Variants in SULT1A2 observed in about 807,000 individuals in gnomAD.
SULT1A2 encodes sulfotransferase 1A2.
SULT1A2 carries 33 observed loss-of-function variants against 36.0 expected under a neutral mutation model. The observed-to-expected ratio is 0.92, with a 90% CI of 0.69 to 1.22. SULT1A2 has a LOEUF of 1.22. Ranked by LOEUF, SULT1A2 falls within the 50% of genes most tolerant of loss-of-function variation. The probability of loss-of-function intolerance (pLI) is 0.00; values close to 1 mark genes in which losing one functional copy is unlikely to be tolerated. For synonymous variants in SULT1A2, 138 were observed against 144.5 expected, an observed-to-expected ratio of 0.96 and a Z score of 0.32; for missense variants, 367 against 383.2, an observed-to-expected ratio of 0.96 and a Z score of 0.35.
At chr16:28,594,931 C>A (rs1596614046) in intron 4 of SULT1A2, among the ~76,000 whole-genome samples, 1 of 151,046 alleles carries the variant, frequency 6.6e-6, no homozygotes, top group East Asian at 1.9e-4. Context: ...CAGATGCCTG[C>A]CACCATGCCC....
chr16:28,592,522 A>C, intron 6 of SULT1A2, 79 bp from the exon 7 acceptor site: 2 of 1,603,868 alleles, frequency 1.2e-6, no homozygotes, highest in Non-Finnish European at 1.7e-6. Context: ...CTCTAACCTC[A>C]GAGGGGAACT....
chr16:28,592,029 C>T lies in SULT1A2; in HGVS notation c.887G>A (p.Ter296=). The T allele has an allele frequency of 6.2e-7, 1 of 1,611,814 alleles. No homozygotes were observed. Among genetic ancestry groups the T allele is most frequent in the East Asian group, 2.2e-5 (1 of 44,872 alleles). The change falls in exon 8 of 8, where the codon TGA becomes TAA. Residue 296 remains the stop codon, a stop_retained_variant. Coordinates refer to ENST00000335715, the MANE Select transcript of SULT1A2 (RefSeq NM_001054.4). ...GCSLSFRSEL[*] ...CTGCAGTGACTCCAGGAACCCCTCT[C>T]ACAGCTCAGAGCGGAAGCTGAGGCT...
At chr16:28,596,861 A>G in intron 1 of SULT1A2, 136 bp downstream of exon 1, 1 of 443,478 alleles carries the variant, frequency 2.3e-6, no homozygotes, top group South Asian at 2.4e-5. Context: ...AGGGGGATTC[A>G]GGCCGGCCGG....
At chr16:28,596,847 A>C in intron 1 of SULT1A2, 150 bp downstream of exon 1, 23 of 414,020 alleles carry the variant, frequency 5.6e-5, no homozygotes, top group Non-Finnish European at 7.4e-5. Context: ...AAAAAAAGGA[A>C]GGGAGGGGGA....
Position 28,592,342 on chromosome 16 carries a change from CA to C in SULT1A2, c.695del (p.Met232ArgfsTer6). On this transcript the variant is annotated frameshift_variant, in exon 7 of 8. Transcript: ENST00000335715. LOFTEE classifies it high-confidence loss of function. ...TGTAGTTGGTCATAGGGTTCTTCTT[CA>C]TCTCCTTGAACGACGTGTGCTCAAC... is the stretch of plus-strand genomic sequence containing the variant. ...LMVEHTSFKE[M>X]KKNPMTNYTT... is the part of the protein sequence containing the mutation. The C allele has an allele frequency of 6.2e-7, 1 of 1,613,972 alleles. No individual in the cohort carries two copies.
intron 5 of SULT1A2, 29 bp from the exon 6 acceptor site, chr16:28,593,375 C>T (rs747079546): frequency 1.2e-6 from 2 of 1,614,202 alleles, no homozygotes; most frequent in Non-Finnish European, 1.7e-6. Context: ...AGTGCCGACA[C>T]AGGGTTGCTG....
At chr16:28,596,543 G>C (rs564612194) in intron 1 of SULT1A2, 5 of 358,084 alleles carry the variant, frequency 1.4e-5, no homozygotes, top group South Asian at 1.0e-4. Context: ...GAGCAAAACT[G>C]TGATGACTCA....
intron 5 of SULT1A2, 27 bp downstream of exon 5, chr16:28,593,415 C>T (rs1190953800): frequency 6.2e-7 from 1 of 1,614,196 alleles, no homozygotes. Flanking sequence ...CTTAGCTCCA[C>T]ACCTTCCTTC....
At chr16:28,596,405 C>T (rs1160534748) in intron 1 of SULT1A2, 4 of 1,023,548 alleles carry the variant, frequency 3.9e-6, no homozygotes, top group Admixed American at 4.7e-5. Flanking sequence ...CGGCCCCTCA[C>T]ATGTGGCAAC....
intron 1 of SULT1A2, 166 bp from the exon 2 acceptor site, chr16:28,596,100 G>A: frequency 1.3e-6 from 2 of 1,483,224 alleles, no homozygotes; most frequent in Non-Finnish European, 9.0e-7. Context: ...ACCAGGTCGG[G>A]CTCTAATGTG....
At chr16:28,592,869 A>T (rs1474853356) in intron 6 of SULT1A2, among the ~76,000 whole-genome samples, 1 of 152,114 alleles carries the variant, frequency 6.6e-6, no homozygotes, top group East Asian at 1.9e-4. Flanking sequence ...AAAATTAGCC[A>T]GGCATGGTAG....
At chr16:28,592,789 G>A (rs1345539655) in intron 6 of SULT1A2, among the ~76,000 whole-genome samples, 1 of 152,176 alleles carries the variant, frequency 6.6e-6, no homozygotes, top group African/African-American at 2.4e-5. Context: ...CAAGACTTTG[G>A]GAGGCTGAGG....
chr16:28,593,522 T>C lies in SULT1A2; in HGVS notation c.419A>G (p.Tyr140Cys), dbSNP rs1285784324. The C allele has an allele frequency of 1.2e-6, 2 of 1,614,078 alleles. No homozygotes were observed. Among genetic ancestry groups the C allele is most frequent in the Admixed American group, 3.3e-5 (2 of 60,018 alleles). The change falls in exon 5 of 8, where the codon TAC becomes TGC. Residue 140 changes from tyrosine to cysteine, a missense_variant. Physicochemically the swap from Tyr to Cys is radical, Grantham distance 194. Coordinates refer to ENST00000335715, the MANE Select transcript of SULT1A2 (RefSeq NM_001054.4). ...RNAKDVAVSYYHFYHMAKVYP... is the reference protein window; with the variant it reads ...RNAKDVAVSYCHFYHMAKVYP... ...CACTTTGGCCATGTGGTAGAAGTGG[T>C]AGTAGGAAACCGCCACATCCTTTGC...
Position 28,593,392 on chromosome 16 carries a change from G to A in SULT1A2, c.500-46C>T, listed in dbSNP as rs201048118. ...TGCCGACACAGGGTTGCTGTGCGTT[G>A]TAGCCACCACCCCTTAGCTCCACAC... is the stretch of plus-strand genomic sequence containing the variant. On this transcript the variant is annotated intron_variant, in intron 5 of 7. Coordinates refer to ENST00000335715, the MANE Select transcript of SULT1A2 (RefSeq NM_001054.4). 67 of 1,614,164 alleles carry A rather than the reference G, an allele frequency of 4.2e-5. No homozygotes were observed. The Admixed American group carries it at 1.0e-3, about 24-fold the overall frequency.
intron 4 of SULT1A2, 100 bp downstream of exon 4, chr16:28,595,267 G>T: frequency 9.6e-6 from 14 of 1,462,148 alleles, no homozygotes; most frequent in Admixed American, 6.5e-5. Flanking sequence ...TTTTTTTTTT[G>T]GAAGAGACTT....
In SULT1A2 at chr16:28,591,987, T is replaced by A. The variant is rs1230963178; in HGVS notation, c.*41A>T. The A allele has an allele frequency of 5.0e-6, 8 of 1,611,836 alleles. No individual in the cohort carries two copies. The highest frequency in any genetic ancestry group is 2.2e-5 in the East Asian group (1 of 44,880). On this transcript the variant is annotated 3_prime_UTR_variant, in exon 8 of 8. Transcript: ENST00000335715. ...TATTCTGGAGCCTCTTGGTCAGGCTTGATTCGCACACTCCCTCTGCAGTGA... is the reference window on the plus strand; with the variant it reads ...TATTCTGGAGCCTCTTGGTCAGGCTAGATTCGCACACTCCCTCTGCAGTGA...
At position 28,592,452 on chromosome 16, in the gene SULT1A2, C is replaced by T. The variant is rs375829096; in HGVS notation, c.595-9G>A. ...ATCTCCCTTTTGGGGTTCTGAGCAG[C>T]AGAGGGCTCCTCAGTGGAGGCTTGG... On this transcript the variant is annotated splice_polypyrimidine_tract_variant and intron_variant, in intron 6 of 7. Coordinates refer to ENST00000335715, the MANE Select transcript of SULT1A2 (RefSeq NM_001054.4). The T allele has an allele frequency of 6.2e-7, 1 of 1,614,046 alleles. No individual in the cohort carries two copies. The highest frequency in any genetic ancestry group is 1.3e-5 in the African/African-American group (1 of 74,926).
chr16:28,595,704 C>G (rs183805345), intron 2 of SULT1A2, 29 bp from the exon 3 acceptor site: 1 of 1,613,392 alleles, frequency 6.2e-7, no homozygotes, highest in African/African-American at 1.3e-5. Flanking sequence ...GGGAGGTGAG[C>G]AGGCTGAGGT....
Position 28,592,857 on chromosome 16 carries a change from C to A in SULT1A2, c.594+395G>T, listed in dbSNP as rs1240911069. ...CCAACCTGGCCAACATGGCACAACA[C>A]AAAAATTAGCCAGGCATGGTAGTGT... On this transcript the variant is annotated intron_variant, in intron 6 of 7. Coordinates refer to ENST00000335715, the MANE Select transcript of SULT1A2 (RefSeq NM_001054.4). 3.9e-5 allele frequency among the ~76,000 whole-genome samples: 6 copies of A among 152,176 alleles called. No individual in the cohort carries two copies. The Middle Eastern group carries it at 0.01, about 259-fold the overall frequency.
Sources: gnomAD v4.1 joint callset for allele counts (sites outside exome capture counted in the v4.1 genomes callset) on GRCh38, gnomAD v4.1.1 for gene constraint, MANE v1.5 for transcripts, NCBI Gene and HGNC (gene_info 2026-07-23, HGNC 2026-07-21) for gene names.